ATP10D: variants seen among roughly 807,000 people sequenced by gnomAD.
ATP10D encodes the protein phospholipid-transporting ATPase VD.
A neutral mutation model predicts 144.8 loss-of-function variants in ATP10D; 89 were observed. The observed-to-expected ratio is 0.61, with a 90% CI of 0.52 to 0.73. The LOEUF (loss-of-function observed/expected upper bound fraction) is 0.73, where lower values mean the gene tolerates loss of function less well. Ranked by LOEUF, ATP10D falls within the 30% of genes least tolerant of loss-of-function variation. The probability of loss-of-function intolerance (pLI) is 0.00; values close to 1 mark genes in which losing one functional copy is unlikely to be tolerated. For missense variants in ATP10D, 1,603 were observed against 1,714.8 expected, an observed-to-expected ratio of 0.93 and a Z score of 1.15; for synonymous variants, 571 against 615.1, an observed-to-expected ratio of 0.93 and a Z score of 1.06.
At chr4:47,507,601 A>G (rs1716087917) in intron 1 of ATP10D, among the ~76,000 whole-genome samples, 1 of 152,224 alleles carries the variant, frequency 6.6e-6, no homozygotes, top group Admixed American at 6.5e-5. Flanking sequence ...GCAAAAGGAA[A>G]TGGGATGTCT....
intron 22 of ATP10D, 66 bp from the exon 23 acceptor site, chr4:47,590,976 T>TG (rs4031826): frequency 0.039 from 37,351 of 946,874 alleles, 485 homozygotes; most frequent in African/African-American, 0.15. Context: ...CGTTAGTATT[T>TG]GGGGGGGGGG....
chr4:47,591,232 G>C lies in ATP10D; in HGVS notation c.4132G>C (p.Gly1378Arg), dbSNP rs750366549. 1.2e-6 allele frequency: 2 copies of C among 1,613,590 alleles called. No homozygotes were observed. The highest frequency in any genetic ancestry group is 1.7e-6 in the Non-Finnish European group (2 of 1,179,606). Residue 1378 changes from glycine to arginine, a missense_variant, in exon 23 of 23, where the codon GGC becomes CGC. Physicochemically the swap from Gly to Arg is moderately radical, Grantham distance 125. Transcript: ENST00000273859. ...CAAGTCAGGAAGAAGACCCATGCCT[G>C]GCCCTTCTGCTGTATTTGCAATGAA... Reference protein sequence around the residue: ...AGKSGRRPMPGPSAVFAMKSA... With the variant: ...AGKSGRRPMPRPSAVFAMKSA...
At position 47,536,910 on chromosome 4, in the gene ATP10D, A is replaced by G. The variant is rs759537827; in HGVS notation, c.1368A>G (p.Ala456=). The change falls in exon 9 of 23, where the codon GCA becomes GCG. Residue 456 remains alanine, a synonymous_variant. Coordinates refer to ENST00000273859, the MANE Select transcript of ATP10D (RefSeq NM_020453.4). The part of the protein sequence containing the change: ...NKMVFRRCSV[A]GFDYCHEENA... The stretch of plus-strand genomic sequence containing the variant: ...TGGTTTTTCGAAGATGTAGTGTGGC[A>G]GGATTTGATTACTGCCATGAAGAAA... The G allele has an allele frequency of 1.9e-6, 3 of 1,611,462 alleles. No homozygotes were observed. In the Admixed American group the frequency reaches 5.0e-5, roughly 27 times the overall value.
At chr4:47,566,845 C>T (rs1219409713) in intron 15 of ATP10D, among the ~76,000 whole-genome samples, 1 of 152,114 alleles carries the variant, frequency 6.6e-6, no homozygotes, top group Non-Finnish European at 1.5e-5. Flanking sequence ...GATTCATTAA[C>T]GTTAAATGCA....
Position 47,563,674 on chromosome 4 carries a change from G to A in ATP10D, c.2762G>A (p.Gly921Glu), listed in dbSNP as rs774752451. 3.7e-6 allele frequency: 6 copies of A among 1,613,902 alleles called. No individual in the cohort carries two copies. The highest frequency in any genetic ancestry group is 5.1e-6 in the Non-Finnish European group (6 of 1,179,928). ...GGCATCAAGATCTGGATGCTGACAGGGGACAAGCAGGAGACAGCTGTCAAC... is the reference window on the plus strand; with the variant it reads ...GGCATCAAGATCTGGATGCTGACAGAGGACAAGCAGGAGACAGCTGTCAAC... ...KAGIKIWMLT[G>E]DKQETAVNIA... Residue 921 changes from glycine (G) to glutamate (E), a missense_variant, in exon 15 of 23, where the codon GGG becomes GAG. Transcript: ENST00000273859.
chr4:47,589,858 C>T (rs558782016), intron 22 of ATP10D, among the ~76,000 whole-genome samples: 1 of 152,094 alleles, frequency 6.6e-6, no homozygotes, highest in Non-Finnish European at 1.5e-5. Context: ...TTCTTTGTCA[C>T]ACTGTTAGTG....
intron 9 of ATP10D, among the ~76,000 whole-genome samples, chr4:47,539,209 A>T (rs1718006884): frequency 6.6e-6 from 1 of 152,106 alleles, no homozygotes; most frequent in African/African-American, 2.4e-5. Flanking sequence ...AGCTCAGACA[A>T]CCCATCATAC....
chr4:47,540,092 A>G (rs1488678904), intron 9 of ATP10D, among the ~76,000 whole-genome samples: 3 of 152,174 alleles, frequency 2.0e-5, no homozygotes, highest in Non-Finnish European at 4.4e-5. Context: ...GTTTAAAATT[A>G]AACACATGTG....
intron 1 of ATP10D, among the ~76,000 whole-genome samples, chr4:47,488,633 A>T (rs1159237987): frequency 1.7e-5 from 2 of 121,204 alleles, no homozygotes; most frequent in Non-Finnish European, 3.6e-5. Context: ...AAAAAAAAAA[A>T]AGATAAATGG....
chr4:47,572,246 G>T lies in ATP10D; in HGVS notation c.3240+16G>T. ...AGGCATGCAGGTGAGTGGATATTGT[G>T]CACCCAAGTTCTGTGGCCTTGACCT... is the stretch of plus-strand genomic sequence containing the variant. On this transcript the variant is annotated intron_variant, in intron 17 of 22. Coordinates refer to ENST00000273859, the MANE Select transcript of ATP10D (RefSeq NM_020453.4). 1 of 1,611,998 alleles carries T rather than the reference G, an allele frequency of 6.2e-7. No homozygotes were observed. The highest frequency in any genetic ancestry group is 8.5e-7 in the Non-Finnish European group (1 of 1,178,206).
Position 47,536,028 on chromosome 4 carries a change from C to T in ATP10D, c.1010C>T (p.Ala337Val). 1 of 1,604,072 alleles carries T rather than the reference C, an allele frequency of 6.2e-7. No homozygotes were observed. Among genetic ancestry groups the T allele is most frequent in the East Asian group, 2.2e-5 (1 of 44,778 alleles). ...MLLVIMCLTG[A>V]VGHGIWLSRY... The stretch of plus-strand genomic sequence containing the variant: ...CTGGTCATAATGTGCTTAACTGGCG[C>T]AGTAGGTAGGTAAAATTTGATTATT... Residue 337 changes from alanine (A) to valine (V), a missense_variant, in exon 7 of 23, where the codon GCA becomes GTA. By Grantham distance (64) the Ala-to-Val change is moderately conservative. Coordinates refer to ENST00000273859, the MANE Select transcript of ATP10D (RefSeq NM_020453.4).
rs1328496271 is a variant in ATP10D at position 47,591,046 on chromosome 4, G to A, written c.3946G>A (p.Val1316Ile). The part of the protein sequence containing the change: ...TTSIALLPRF[V>I]YRVLQGSLFP... ...ATGATGTTCCTTGTCACCTAGGTTTGTATACAGAGTTCTTCAGGGATCCCT... is the reference window on the plus strand; with the variant it reads ...ATGATGTTCCTTGTCACCTAGGTTTATATACAGAGTTCTTCAGGGATCCCT... Residue 1316 changes from valine (V) to isoleucine (I), a missense_variant, in exon 23 of 23, where the codon GTA becomes ATA. Coordinates refer to ENST00000273859, the MANE Select transcript of ATP10D (RefSeq NM_020453.4). 1 of 1,590,068 alleles carries A rather than the reference G, an allele frequency of 6.3e-7. No homozygotes were observed. The highest frequency in any genetic ancestry group is 8.6e-7 in the Non-Finnish European group (1 of 1,167,810).
chr4:47,546,164 G>A (rs570303043), intron 9 of ATP10D, among the ~76,000 whole-genome samples: 1 of 152,304 alleles, frequency 6.6e-6, no homozygotes, highest in East Asian at 1.9e-4. Context: ...ACAACATGGA[G>A]CTCATTGGTG....
At chr4:47,566,934 C>T (rs1303864354) in intron 15 of ATP10D, among the ~76,000 whole-genome samples, 1 of 152,158 alleles carries the variant, frequency 6.6e-6, no homozygotes, top group Non-Finnish European at 1.5e-5. Context: ...ACATCACAGC[C>T]TTTTTTGCTT....
chr4:47,556,802 G>A (rs1417269879), intron 11 of ATP10D: 1 of 151,928 alleles, frequency 6.6e-6, no homozygotes, highest in Non-Finnish European at 1.5e-5. Context: ...CCAATTAATT[G>A]GCCTTCCATG....
At chr4:47,510,150 T>G (rs1391771947) in intron 1 of ATP10D, among the ~76,000 whole-genome samples, 2 of 152,106 alleles carry the variant, frequency 1.3e-5, no homozygotes, top group Non-Finnish European at 2.9e-5. Context: ...ATATGTTAAT[T>G]ACCTCCAAGC....
intron 5 of ATP10D, among the ~76,000 whole-genome samples, chr4:47,534,577 C>A (rs549398945): frequency 1.9e-4 from 29 of 152,222 alleles, no homozygotes; most frequent in African/African-American, 7.0e-4. Context: ...GTGTTATCAG[C>A]CTTATCCTAT....
At chr4:47,510,357 G>T (rs1716259823) in intron 1 of ATP10D, among the ~76,000 whole-genome samples, 2 of 152,096 alleles carry the variant, frequency 1.3e-5, no homozygotes, top group South Asian at 4.1e-4. Flanking sequence ...CAGTGAGCCA[G>T]CCCTAATTCT....
chr4:47,508,730 A>G (rs1170310726), intron 1 of ATP10D, among the ~76,000 whole-genome samples: 1 of 152,202 alleles, frequency 6.6e-6, no homozygotes, highest in Non-Finnish European at 1.5e-5. Flanking sequence ...TCAATATTTT[A>G]TGTGAATTTA....
Sources: allele counts gnomAD v4.1 joint callset (sites outside exome capture counted in the v4.1 genomes callset), GRCh38; gene constraint gnomAD v4.1.1; transcripts MANE v1.5; gene names NCBI Gene and HGNC (gene_info 2026-07-23, HGNC 2026-07-21).